Variants in DACH2 observed in about 807,000 individuals in gnomAD.
DACH2 encodes the protein dachshund family transcription factor 2.
A neutral mutation model predicts 35.8 loss-of-function variants in DACH2; 17 were observed. That is an observed-to-expected ratio of 0.48 (90% CI 0.33 to 0.71). DACH2 has a LOEUF of 0.71. Ranked by LOEUF, DACH2 falls within the 30% of genes least tolerant of loss-of-function variation. The pLI, the probability that DACH2 is intolerant of heterozygous loss-of-function variation, is 0.02. For missense variants in DACH2, 469 were observed against 472.7 expected, an observed-to-expected ratio of 0.99 and a Z score of 0.07; for synonymous variants, 195 against 177.3, an observed-to-expected ratio of 1.10 and a Z score of -0.79.
intron 1 of DACH2, among the ~76,000 whole-genome samples, chrX:86,320,073 T>A (rs937202158): frequency 2.5e-4 from 28 of 111,257 alleles, no homozygotes; most frequent in African/African-American, 8.8e-4. Flanking sequence ...AAAATAGAGA[T>A]TTTTTTTCCA....
chrX:86,459,519 GT>G (rs771531206), intron 2 of DACH2, among the ~76,000 whole-genome samples: 5 of 111,449 alleles, frequency 4.5e-5, no homozygotes, highest in African/African-American at 1.6e-4. Context: ...TAACTTCTAA[GT>G]TTGTATGACA....
intron 2 of DACH2, among the ~76,000 whole-genome samples, chrX:86,418,882 G>T (rs1023382256): frequency 1.8e-5 from 2 of 111,546 alleles, no homozygotes; most frequent in Non-Finnish European, 3.8e-5. Context: ...CATTAACAGC[G>T]CCCAAGTCAC....
At chrX:86,400,024 G>T (rs758755599) in intron 2 of DACH2, among the ~76,000 whole-genome samples, 2 of 111,704 alleles carry the variant, frequency 1.8e-5, no homozygotes, top group Admixed American at 1.9e-4. Context: ...ACACCAATCA[G>T]ATGTAGATTT....
intron 3 of DACH2, among the ~76,000 whole-genome samples, chrX:86,523,082 G>A (rs1274383192): frequency 8.9e-6 from 1 of 111,757 alleles, no homozygotes; most frequent in Non-Finnish European, 1.9e-5. Flanking sequence ...TCCTTAAAAG[G>A]TTCTTAAGCT....
At chrX:86,547,699 G>T (rs1362558565) in intron 3 of DACH2, among the ~76,000 whole-genome samples, 1 of 111,852 alleles carries the variant, frequency 8.9e-6, no homozygotes, top group East Asian at 2.8e-4. Flanking sequence ...TACTAGTAAA[G>T]GAAGAGAACA....
chrX:86,268,126 C>A (rs1475583391), intron 1 of DACH2, among the ~76,000 whole-genome samples: 2 of 112,055 alleles, frequency 1.8e-5, no homozygotes, highest in African/African-American at 3.2e-5. Context: ...TTCAACTTTG[C>A]GTGTGAAAAG....
chrX:86,315,234 T>C (rs1009526310), intron 1 of DACH2, among the ~76,000 whole-genome samples: 1 of 112,157 alleles, frequency 8.9e-6, no homozygotes, highest in African/African-American at 3.2e-5. Flanking sequence ...GCACAAAACT[T>C]GGACGACAGA....
intron 1 of DACH2, 67 bp downstream of exon 1, chrX:86,149,175 A>G: frequency 9.2e-7 from 1 of 1,084,692 alleles, no homozygotes; most frequent in Non-Finnish European, 1.2e-6. Flanking sequence ...ATGCCTCACC[A>G]CCCTCATCCA....
At chrX:86,187,054 A>AT (rs1405797154) in intron 1 of DACH2, among the ~76,000 whole-genome samples, 2 of 112,014 alleles carry the variant, frequency 1.8e-5, no homozygotes, top group Non-Finnish European at 3.8e-5. Context: ...ATATTATTTT[A>AT]TTGCCATATA....
At chrX:86,270,643 A>G (rs1406505893) in intron 1 of DACH2, among the ~76,000 whole-genome samples, 2 of 112,376 alleles carry the variant, frequency 1.8e-5, no homozygotes, top group East Asian at 5.6e-4. Context: ...CAAGCAGGTT[A>G]TCAAAACCTT....
chrX:86,253,126 C>A (rs1172909223), intron 1 of DACH2, among the ~76,000 whole-genome samples: 2 of 110,400 alleles, frequency 1.8e-5, no homozygotes, highest in African/African-American at 6.6e-5. Context: ...CCAACAGTGA[C>A]CAAGCTGAGA....
At chrX:86,223,905 G>T (rs1245751579) in intron 1 of DACH2, among the ~76,000 whole-genome samples, 1 of 112,264 alleles carries the variant, frequency 8.9e-6, no homozygotes, top group Non-Finnish European at 1.9e-5. Flanking sequence ...TTTAGGTGCT[G>T]ACCATCTCTT....
At chrX:86,681,753 T>A (rs1038319050) in intron 4 of DACH2, among the ~76,000 whole-genome samples, 1 of 109,462 alleles carries the variant, frequency 9.1e-6, no homozygotes, top group Non-Finnish European at 1.9e-5. Context: ...TGGCTTTTAG[T>A]ATTTTTTTCT....
At chrX:86,254,799 TATATATATAG>T (rs2033478629) in intron 1 of DACH2, among the ~76,000 whole-genome samples, 1 of 68,216 alleles carries the variant, frequency 1.5e-5, no homozygotes, top group East Asian at 4.9e-4. Flanking sequence ...TATATATATA[TATATATATAG>T]AGAGAGAGAG....
chrX:86,430,499 A>G (rs2148169962), intron 2 of DACH2, among the ~76,000 whole-genome samples: 1 of 112,694 alleles, frequency 8.9e-6, no homozygotes, highest in South Asian at 3.6e-4. Context: ...TGTTACCGAC[A>G]TGGTATGTCT....
chrX:86,149,620 C>A (rs2030291516), intron 1 of DACH2, among the ~76,000 whole-genome samples: 1 of 111,160 alleles, frequency 9.0e-6, no homozygotes, highest in Non-Finnish European at 1.9e-5. Context: ...TGATTCGATC[C>A]CCATCCCGTG....
At chrX:86,732,256 A>G (rs372270189) in intron 6 of DACH2, among the ~76,000 whole-genome samples, 3 of 112,046 alleles carry the variant, frequency 2.7e-5, no homozygotes, top group South Asian at 7.4e-4. Context: ...GACAGCTACT[A>G]TTGACTTTTG....
intron 3 of DACH2, among the ~76,000 whole-genome samples, chrX:86,603,925 T>C (rs1055019717): frequency 9.0e-6 from 1 of 111,448 alleles, no homozygotes; most frequent in South Asian, 3.7e-4. Flanking sequence ...AGTGTGGTGT[T>C]TATTTTTAAA....
At chrX:86,532,543 T>A (rs1258888238) in intron 3 of DACH2, among the ~76,000 whole-genome samples, 1 of 110,291 alleles carries the variant, frequency 9.1e-6, no homozygotes, top group African/African-American at 3.3e-5. Context: ...TGTGCCTTGC[T>A]TCTCCTTCAT....
Sources: gnomAD v4.1 joint callset for allele counts (sites outside exome capture counted in the v4.1 genomes callset) on GRCh38, gnomAD v4.1.1 for gene constraint, MANE v1.5 for transcripts, NCBI Gene and HGNC (gene_info 2026-07-23, HGNC 2026-07-21) for gene names.